The following TFDP2 variants were observed in gnomAD, a reference collection of about 807,000 sequenced individuals.
The protein encoded by TFDP2 is transcription factor Dp-2.
Under a neutral mutation model 59.3 loss-of-function variants are expected in TFDP2, and 17 were observed. The observed-to-expected ratio is 0.29, with a 90% CI of 0.20 to 0.43. The LOEUF (loss-of-function observed/expected upper bound fraction) is 0.43, where lower values mean the gene tolerates loss of function less well. Among genes scored for constraint, TFDP2 ranks in the 20% least tolerant of loss-of-function variants. TFDP2 has a pLI of 1.00. For missense variants in TFDP2, 391 were observed against 528.8 expected (o/e 0.74, Z 2.56); for synonymous variants, 180 against 194.7 (o/e 0.92, Z 0.63).
intron 8 of TFDP2, among the ~76,000 whole-genome samples, chr3:141,972,793 TA>T (rs1939968058): frequency 6.6e-6 from 1 of 152,152 alleles, no homozygotes; most frequent in Admixed American, 6.6e-5. Context: ...TTGCCTTGTA[TA>T]ACCTGTGATT....
chr3:141,952,478 G>A lies in TFDP2; in HGVS notation c.*35C>T. 5 of 1,494,984 alleles carry A rather than the reference G, an allele frequency of 3.3e-6. No individual in the cohort carries two copies. The highest frequency in any genetic ancestry group is 4.4e-6 in the Non-Finnish European group (5 of 1,127,768). 92.6% of individuals were successfully genotyped at this position (1,494,984 alleles called of 1,614,324 possible). A position where few individuals can be genotyped will look rare whatever the true frequency, so the allele number is the denominator to read the frequency against. Reference sequence around the variant, plus strand: ...GAGCTCACACTACAAACACACATGAGCATCACATATTGAAACGTAGGCTTT... The same window carrying A: ...GAGCTCACACTACAAACACACATGAACATCACATATTGAAACGTAGGCTTT... On this transcript the variant is annotated 3_prime_UTR_variant, in exon 13 of 13. Coordinates refer to ENST00000489671, the MANE Select transcript of TFDP2 (RefSeq NM_001178139.2).
intron 3 of TFDP2, among the ~76,000 whole-genome samples, chr3:142,082,146 C>A (rs1307404223): frequency 6.6e-6 from 1 of 152,160 alleles, no homozygotes; most frequent in Non-Finnish European, 1.5e-5. Context: ...CACAGGAGTG[C>A]AAACCCTGTT....
rs201259241 is a variant in TFDP2 at position 141,952,640 on chromosome 3, A to G, written c.1214T>C (p.Leu405Pro). ...GCTGGACTGGTGACTGTTTGGGGCC[A>G]GGAACTGCCCAGTTGCTAAGGCCAC... ...AEVALATGQF[L>P]APNSHQSSSA... Residue 405 changes from leucine to proline, a missense_variant, in exon 13 of 13, where the codon CTG becomes CCG. Physicochemically the swap from Leu to Pro is moderately conservative, Grantham distance 98. Around this residue, in one of 3 missense-constraint regions of TFDP2, gnomAD observed 223 missense variants for 292.5 expected, o/e 0.76. Coordinates refer to ENST00000489671, the MANE Select transcript of TFDP2 (RefSeq NM_001178139.2). 1.3e-4 allele frequency: 201 copies of G among 1,599,056 alleles called. No individual in the cohort carries two copies. The African/African-American group carries it at 2.2e-3, about 17-fold the overall frequency.
intron 1 of TFDP2, among the ~76,000 whole-genome samples, chr3:142,123,638 T>C (rs1468994933): frequency 6.6e-6 from 1 of 152,156 alleles, no homozygotes; most frequent in Admixed American, 6.6e-5. Context: ...TTAATAGGAT[T>C]ATATTTTACC....
At position 141,959,819 on chromosome 3, in the gene TFDP2, A is replaced by C; in HGVS notation, c.906T>G (p.Phe302Leu). The C allele has an allele frequency of 6.2e-7, 1 of 1,614,090 alleles. No individual in the cohort carries two copies. Among genetic ancestry groups the C allele is most frequent in the Non-Finnish European group, 8.5e-7 (1 of 1,179,972 alleles). Residue 302 changes from phenylalanine (F) to leucine (L), a missense_variant, in exon 11 of 13, where the codon TTT (phenylalanine) becomes TTG (leucine). Around this residue, in one of 3 missense-constraint regions of TFDP2, gnomAD observed 223 missense variants for 292.5 expected, o/e 0.76. Transcript: ENST00000489671. Reference protein sequence around the residue: ...SSDKFEYLFNFDNTFEIHDDI... With the variant: ...SSDKFEYLFNLDNTFEIHDDI... ...CATCATGGATCTCAAAGGTGTTGTCAAAATTGAAAAGATACTCAAACCTGC... is the reference window on the plus strand; with the variant it reads ...CATCATGGATCTCAAAGGTGTTGTCCAAATTGAAAAGATACTCAAACCTGC...
chr3:141,956,905 G>GC (rs1936745428), intron 11 of TFDP2, among the ~76,000 whole-genome samples: 1 of 150,992 alleles, frequency 6.6e-6, no homozygotes, highest in Non-Finnish European at 1.5e-5. Flanking sequence ...AGCCTGGAGA[G>GC]CAAGACTCTC....
intron 9 of TFDP2, 137 bp from the exon 10 acceptor site, chr3:141,964,100 T>TA (rs1431562399): frequency 1.4e-6 from 1 of 720,148 alleles, no homozygotes; most frequent in Non-Finnish European, 2.1e-6. Flanking sequence ...TGAATTAATT[T>TA]AAAAAATTAA....
intron 3 of TFDP2, among the ~76,000 whole-genome samples, chr3:142,088,552 C>T (rs1006434196): frequency 4.7e-5 from 7 of 150,530 alleles, no homozygotes; most frequent in Non-Finnish European, 7.4e-5. Context: ...GCTGGGGGCT[C>T]GAACTTCCCA....
chr3:142,061,910 A>T (rs1414620188), intron 3 of TFDP2, among the ~76,000 whole-genome samples: 5 of 143,496 alleles, frequency 3.5e-5, no homozygotes, highest in South Asian at 4.4e-4. Flanking sequence ...ACACACACAC[A>T]CACACACACA....
At chr3:141,977,684 CAAT>C (rs1402951197) in intron 7 of TFDP2, among the ~76,000 whole-genome samples, 2 of 151,906 alleles carry the variant, frequency 1.3e-5, no homozygotes, top group African/African-American at 4.8e-5. Context: ...GATTCAGAAA[CAAT>C]AAAAAATTAT....
At chr3:141,976,898 C>T (rs1344932787) in intron 7 of TFDP2, among the ~76,000 whole-genome samples, 2 of 151,142 alleles carry the variant, frequency 1.3e-5, no homozygotes, top group Non-Finnish European at 2.9e-5. Flanking sequence ...AAATCATATT[C>T]TCTGGACAAA....
At chr3:141,965,107 T>C (rs567450738) in intron 9 of TFDP2, among the ~76,000 whole-genome samples, 3 of 152,054 alleles carry the variant, frequency 2.0e-5, no homozygotes, top group Admixed American at 2.0e-4. Context: ...ATAAGGTAAA[T>C]GTACGATAGA....
intron 3 of TFDP2, among the ~76,000 whole-genome samples, chr3:142,046,727 T>C (rs1266696635): frequency 6.6e-6 from 1 of 152,182 alleles, no homozygotes; most frequent in Admixed American, 6.5e-5. Context: ...TCAATCTTCA[T>C]TTCTACTCAT....
At chr3:142,147,571 T>A (rs2063220891) in intron 1 of TFDP2, among the ~76,000 whole-genome samples, 1 of 152,214 alleles carries the variant, frequency 6.6e-6, no homozygotes, top group South Asian at 2.1e-4. Context: ...TATTACACAC[T>A]GCAAAAATTC....
At position 142,026,856 on chromosome 3, in the gene TFDP2, C is replaced by T. The variant is rs114627558; in HGVS notation, c.83-21312G>A. Among the ~76,000 whole-genome samples the T allele has an allele frequency of 6.6e-4, 101 of 152,300 alleles. 1 individual carries two copies. The highest frequency in any genetic ancestry group is 2.3e-3 in the African/African-American group (97 of 41,572). On this transcript the variant is annotated intron_variant, in intron 3 of 12. Transcript: ENST00000489671. Reference sequence around the variant, plus strand: ...ATAAACATTCTCCTCTTTCCATTAGCAACCAATCCAAGCTTATTATCTTTC... The same window carrying T: ...ATAAACATTCTCCTCTTTCCATTAGTAACCAATCCAAGCTTATTATCTTTC...
chr3:142,124,801 A>G (rs1030759794), intron 1 of TFDP2, among the ~76,000 whole-genome samples: 9 of 152,314 alleles, frequency 5.9e-5, no homozygotes, highest in Admixed American at 3.9e-4. Context: ...TCTGCAACTT[A>G]TACTATAGAA....
intron 3 of TFDP2, among the ~76,000 whole-genome samples, chr3:142,046,789 T>C (rs1947363863): frequency 6.6e-6 from 1 of 152,174 alleles, no homozygotes; most frequent in Non-Finnish European, 1.5e-5. Context: ...CCAATCTCTA[T>C]TTGTAGCTTT....
intron 3 of TFDP2, among the ~76,000 whole-genome samples, chr3:142,022,542 T>C (rs1318014135): frequency 1.3e-5 from 2 of 152,058 alleles, no homozygotes; most frequent in Non-Finnish European, 2.9e-5. Flanking sequence ...ACAGGCCTAG[T>C]AAAAGAGAAA....
chr3:142,000,297 T>C (rs1943657246), intron 4 of TFDP2: 1 of 702,954 alleles, frequency 1.4e-6, no homozygotes, highest in Non-Finnish European at 2.6e-6. Flanking sequence ...TGCCGGCAGA[T>C]TCAGTGCCTG....
Sources: gnomAD v4.1 joint callset for allele counts (sites outside exome capture counted in the v4.1 genomes callset) on GRCh38, gnomAD v4.1.1 for gene constraint, gnomAD v4.1.1 regional missense constraint, MANE v1.5 for transcripts, NCBI Gene and HGNC (gene_info 2026-07-23, HGNC 2026-07-21) for gene names.